Variants in TNRC6B observed in about 807,000 individuals in gnomAD.
TNRC6B encodes trinucleotide repeat-containing gene 6B protein.
In TNRC6B, 52 loss-of-function variants were observed where a neutral mutation model predicts 203.6. That is an observed-to-expected ratio of 0.26 (90% CI 0.20 to 0.32). The LOEUF (loss-of-function observed/expected upper bound fraction) is 0.32, where lower values mean the gene tolerates loss of function less well. Among genes scored for constraint, TNRC6B ranks in the 10% least tolerant of loss-of-function variants. The probability of loss-of-function intolerance (pLI) is 1.00; values close to 1 mark genes in which losing one functional copy is unlikely to be tolerated. For synonymous variants in TNRC6B, 838 were observed against 845.7 expected (o/e 0.99, Z 0.16); for missense variants, 1,923 against 2,286.2 (o/e 0.84, Z 3.24).
At chr22:40,142,313 T>C (rs1323493135) in intron 3 of TNRC6B, among the ~76,000 whole-genome samples, 2 of 151,672 alleles carry the variant, frequency 1.3e-5, no homozygotes, top group African/African-American at 2.4e-5. Context: ...CTTCATACCT[T>C]GGTTTCTCAC....
chr22:40,148,390 T>C (rs1207907957), intron 3 of TNRC6B, among the ~76,000 whole-genome samples: 1 of 151,576 alleles, frequency 6.6e-6, no homozygotes, highest in Non-Finnish European at 1.5e-5. Flanking sequence ...TTCAAGCAAT[T>C]CTCCTGCCTT....
At chr22:40,213,667 T>C (rs1341708101) in intron 1 of TNRC6B, among the ~76,000 whole-genome samples, 2 of 152,120 alleles carry the variant, frequency 1.3e-5, no homozygotes. Context: ...TAGCATCCCG[T>C]GGTGCAGTGG....
At chr22:40,305,205 AAGC>A (rs2071074420) in intron 15 of TNRC6B, among the ~76,000 whole-genome samples, 1 of 152,172 alleles carries the variant, frequency 6.6e-6, no homozygotes, top group Non-Finnish European at 1.5e-5. Flanking sequence ...TGAATGATAA[AAGC>A]AGGTGACAGG....
chr22:40,303,738 C>T (rs2071055129), intron 15 of TNRC6B, among the ~76,000 whole-genome samples: 1 of 151,992 alleles, frequency 6.6e-6, no homozygotes, highest in Non-Finnish European at 1.5e-5. Flanking sequence ...GGTGAAACCC[C>T]GTCTCTACTA....
intron 1 of TNRC6B, among the ~76,000 whole-genome samples, chr22:40,065,288 A>C (rs1391056593): frequency 6.6e-6 from 1 of 152,026 alleles, no homozygotes; most frequent in Non-Finnish European, 1.5e-5. Context: ...CTAAGACTAC[A>C]GGTGTGTACC....
intron 3 of TNRC6B, among the ~76,000 whole-genome samples, chr22:40,127,421 A>T (rs2068502887): frequency 6.6e-6 from 1 of 152,136 alleles, no homozygotes; most frequent in Non-Finnish European, 1.5e-5. Flanking sequence ...ATGTAGGGTT[A>T]GTCAGAGCCT....
chr22:40,315,892 CTTG>C (rs1366489467), intron 20 of TNRC6B, 47 bp from the exon 21 acceptor site: 1 of 1,434,468 alleles, frequency 7.0e-7, no homozygotes, highest in Non-Finnish European at 9.7e-7. Context: ...CATGGCTTTT[CTTG>C]TTTTTGTTTT....
chr22:40,146,090 T>G (rs1430173480), intron 3 of TNRC6B, among the ~76,000 whole-genome samples: 1 of 152,112 alleles, frequency 6.6e-6, no homozygotes, highest in Non-Finnish European at 1.5e-5. Flanking sequence ...AAATAAATGC[T>G]TAGGGAGTAG....
At chr22:40,078,435 G>T (rs1022943006) in intron 1 of TNRC6B, among the ~76,000 whole-genome samples, 1 of 151,782 alleles carries the variant, frequency 6.6e-6, no homozygotes, top group African/African-American at 2.4e-5. Context: ...GAGGCAGGAG[G>T]ATCACTTGAG....
chr22:40,156,051 G>A (rs945070042), intron 3 of TNRC6B: 2 of 1,475,586 alleles, frequency 1.4e-6, no homozygotes, highest in African/African-American at 2.8e-5. Flanking sequence ...GCAGGTGTGG[G>A]TTCTTGGAGT....
chr22:40,063,961 C>A (rs1174126839), intron 1 of TNRC6B, among the ~76,000 whole-genome samples: 2 of 152,164 alleles, frequency 1.3e-5, no homozygotes, highest in Non-Finnish European at 2.9e-5. Flanking sequence ...CCTCAGCCTC[C>A]CAAAGTGCTG....
intron 3 of TNRC6B, among the ~76,000 whole-genome samples, chr22:40,142,260 C>G (rs2068650865): frequency 6.7e-6 from 1 of 149,494 alleles, no homozygotes; most frequent in Admixed American, 6.7e-5. Flanking sequence ...GGGGTCTCCA[C>G]TATGTTGCCC....
At chr22:40,238,186 C>T (rs1395911770) in intron 1 of TNRC6B, among the ~76,000 whole-genome samples, 1 of 152,042 alleles carries the variant, frequency 6.6e-6, no homozygotes, top group Non-Finnish European at 1.5e-5. Flanking sequence ...GGTTCATTCC[C>T]CTTCCCTTGT....
At chr22:40,124,790 G>A (rs938644551) in intron 2 of TNRC6B, among the ~76,000 whole-genome samples, 14 of 152,004 alleles carry the variant, frequency 9.2e-5, no homozygotes, top group Non-Finnish European at 1.6e-4. Context: ...TGAGGCGGTC[G>A]GATCACGAGG....
chr22:40,205,809 A>G (rs1243376294), intron 1 of TNRC6B, among the ~76,000 whole-genome samples: 5 of 152,228 alleles, frequency 3.3e-5, no homozygotes, highest in Non-Finnish European at 5.9e-5. Flanking sequence ...TTTCAATGCT[A>G]CTTTGATTGG....
chr22:40,198,370 A>G (rs1377341962), intron 1 of TNRC6B, among the ~76,000 whole-genome samples: 2 of 152,116 alleles, frequency 1.3e-5, no homozygotes, highest in Non-Finnish European at 2.9e-5. Context: ...TTTTAATTTT[A>G]AAAGCATTCT....
At chr22:40,145,956 A>AAACGT (rs1318565625) in intron 3 of TNRC6B, among the ~76,000 whole-genome samples, 1 of 152,194 alleles carries the variant, frequency 6.6e-6, no homozygotes, top group Admixed American at 6.6e-5. Flanking sequence ...GTGGGGCTGG[A>AAACGT]AACGTGATAG....
intron 1 of TNRC6B, among the ~76,000 whole-genome samples, chr22:40,230,917 A>G (rs761235921): frequency 6.6e-6 from 1 of 152,110 alleles, no homozygotes; most frequent in Non-Finnish European, 1.5e-5. Context: ...ATTTTTATAT[A>G]TTGCCAAGGT....
At chr22:40,208,572 T>C (rs2069517458) in intron 1 of TNRC6B, among the ~76,000 whole-genome samples, 1 of 152,108 alleles carries the variant, frequency 6.6e-6, no homozygotes, top group Non-Finnish European at 1.5e-5. Flanking sequence ...TTACCAAGCA[T>C]GGTGTGGTCA....
Sources: gnomAD v4.1 joint callset for allele counts (sites outside exome capture counted in the v4.1 genomes callset) on GRCh38, gnomAD v4.1.1 for gene constraint, MANE v1.5 for transcripts, NCBI Gene and HGNC (gene_info 2026-07-23, HGNC 2026-07-21) for gene names.